The following SSUH2 variants were observed in gnomAD, a reference collection of about 807,000 sequenced individuals.
The protein encoded by SSUH2 is ssu-2 homolog, also known as protein SSUH2 homolog.
In SSUH2, 47 loss-of-function variants were observed where a neutral mutation model predicts 55.3. That is an observed-to-expected ratio of 0.85 (90% CI 0.67 to 1.08). SSUH2 has a LOEUF of 1.08. SSUH2 is among the 50% of genes least tolerant of loss of function. The pLI is 0.00. For synonymous variants in SSUH2, 212 were observed against 191.5 expected (o/e 1.11, Z -0.89); for missense variants, 535 against 490.7 (o/e 1.09, Z -0.85).
At chr3:8,634,618 T>C (rs925117910) in intron 3 of SSUH2, 93 of 1,281,314 alleles carry the variant, frequency 7.3e-5, no homozygotes, top group Admixed American at 1.4e-4. Flanking sequence ...AGGCCAGAGA[T>C]GACTCCCCGG....
chr3:8,676,337 C>G (rs1231387836), intron 3 of SSUH2, among the ~76,000 whole-genome samples: 1 of 151,974 alleles, frequency 6.6e-6, no homozygotes, highest in Non-Finnish European at 1.5e-5. Context: ...TCATATCCTC[C>G]TCTCCCACGT....
chr3:8,655,779 C>T (rs1052009822), intron 7 of SSUH2, among the ~76,000 whole-genome samples: 7 of 152,294 alleles, frequency 4.6e-5, no homozygotes, highest in Non-Finnish European at 8.8e-5. Flanking sequence ...CACAGCCCCT[C>T]GCTCTTCTGT....
At position 8,678,828 on chromosome 3, in the gene SSUH2, C is replaced by G. The variant is rs1483986096; in HGVS notation, c.-901+877G>C. ...CAGGGAGAGGAGGCGGCACTCCCCA[C>G]GAGGCGGGGACTGAGAACCAATCCC... On this transcript the variant is annotated intron_variant, in intron 2 of 18. Transcript: ENST00000317371. Among the ~76,000 whole-genome samples the G allele has an allele frequency of 1.8e-5, 2 of 112,600 alleles. 1 individual carries two copies. Among genetic ancestry groups the G allele is most frequent in the South Asian group, 6.5e-4 (2 of 3,076 alleles). The allele number at this position is 112,600 out of a possible 152,430, so 73.9% of individuals were successfully genotyped here.
rs1208007464 is a variant in SSUH2 at position 8,619,981 on chromosome 3, C to T, written c.1015G>A (p.Val339Ile). The T allele has an allele frequency of 6.2e-7, 1 of 1,614,136 alleles. No homozygotes were observed. Among genetic ancestry groups the T allele is most frequent in the African/African-American group, 1.3e-5 (1 of 75,048 alleles). The change falls in exon 12 of 12, where the codon GTT (valine) becomes ATT (isoleucine). Residue 339 changes from valine (V) to isoleucine (I), a missense_variant. By Grantham distance (29) the Val-to-Ile change is conservative. Coordinates refer to ENST00000544814, the MANE Select transcript of SSUH2 (RefSeq NM_001256748.3). The stretch of plus-strand genomic sequence containing the variant: ...GTCTTTCCTTGGTACCAATAGTGAA[C>T]TTCTGTGAGGGGGATCAGCTCAATG... Reference protein sequence around the residue: ...QTIELIPLTEVHYWYQGKTYV... With the variant: ...QTIELIPLTEIHYWYQGKTYV...
intron 3 of SSUH2, 104 bp downstream of exon 3, chr3:8,635,196 C>A: frequency 1.1e-6 from 1 of 934,852 alleles, no homozygotes; most frequent in Non-Finnish European, 1.6e-6. Flanking sequence ...GGGGTGCAGA[C>A]GGCCCCCTCC....
chr3:8,675,528 G>A (rs1468920015), intron 3 of SSUH2, among the ~76,000 whole-genome samples: 3 of 152,222 alleles, frequency 2.0e-5, no homozygotes, highest in African/African-American at 7.2e-5. Context: ...AGAAAGCTCA[G>A]ATCTGCCGAC....
intron 7 of SSUH2, among the ~76,000 whole-genome samples, chr3:8,656,452 C>T (rs1012870209): frequency 1.3e-5 from 2 of 152,184 alleles, no homozygotes; most frequent in East Asian, 3.9e-4. Context: ...TTGAGCGTTC[C>T]AATTCTTGGA....
chr3:8,679,145 GCGAGGCGGGGAC>G lies in SSUH2; in HGVS notation c.-901+548_-901+559del, dbSNP rs1705738159. On this transcript the variant is annotated intron_variant, in intron 2 of 18. Coordinates refer to the SSUH2 transcript ENST00000317371. ...CAAATTGCGGGGGGGAGGCACCCCC[GCGAGGCGGGGAC>G]TGAGAGGCAGCCGCTGTTCCCCCAC... 7.1e-5 allele frequency among the ~76,000 whole-genome samples: 6 copies of G among 85,040 alleles called. 3 individuals are homozygous for G. Among genetic ancestry groups the G allele is most frequent in the Admixed American group, 2.3e-4 (2 of 8,674 alleles). 55.8% of individuals were successfully genotyped at this position (85,040 alleles called of 152,430 possible).
chr3:8,656,418 C>T (rs368752250), intron 7 of SSUH2, among the ~76,000 whole-genome samples: 22 of 152,194 alleles, frequency 1.4e-4, no homozygotes, highest in African/African-American at 5.3e-4. Context: ...GTGTTCCCAA[C>T]CTGGCACAAA....
upstream of SSUH2, chr3:8,644,810 G>T: frequency 2.7e-6 from 4 of 1,493,214 alleles, no homozygotes; most frequent in Middle Eastern, 1.7e-4. Context: ...TGCTTGGACC[G>T]ATGTGCTCTG....
intron 1 of SSUH2, among the ~76,000 whole-genome samples, chr3:8,636,986 C>A (rs1700028881): frequency 1.3e-5 from 2 of 152,324 alleles, no homozygotes; most frequent in South Asian, 4.1e-4. Context: ...TACAGACAGT[C>A]CCCAACTTAG....
chr3:8,671,690 G>A (rs142828455), intron 4 of SSUH2, among the ~76,000 whole-genome samples: 4,408 of 152,024 alleles, frequency 0.029, 108 homozygotes, highest in Non-Finnish European at 0.046. Context: ...TGTATACCCC[G>A]GTGACTTTAG....
Position 8,630,926 on chromosome 3 carries a change from T to C in SSUH2, c.404A>G (p.His135Arg). The C allele has an allele frequency of 7.0e-7, 1 of 1,425,672 alleles. No homozygotes were observed. The highest frequency in any genetic ancestry group is 9.2e-7 in the Non-Finnish European group (1 of 1,085,516). 88.3% of individuals were successfully genotyped at this position (1,425,672 alleles called of 1,614,324 possible). ...SEWTFQPFTN[H>R]SVDGPQRGAS... ...GCCTCTTTGCGGCCCATCCACAGAGTGGTCTGACACAGAAAGGGGTCATTG... is the reference window on the plus strand; with the variant it reads ...GCCTCTTTGCGGCCCATCCACAGAGCGGTCTGACACAGAAAGGGGTCATTG... The change falls in exon 6 of 12, where the codon CAC becomes CGC. Residue 135 changes from histidine (H) to arginine (R), a missense_variant. By Grantham distance (29) the His-to-Arg change is conservative (BLOSUM62 0). Coordinates refer to ENST00000544814, the MANE Select transcript of SSUH2 (RefSeq NM_001256748.3).
Position 8,619,876 on chromosome 3 carries a change from T to G in SSUH2, c.1120A>C (p.Ile374Leu). 2 of 1,613,688 alleles carry G rather than the reference T, an allele frequency of 1.2e-6. No individual in the cohort carries two copies. Among genetic ancestry groups the G allele is most frequent in the Non-Finnish European group, 1.7e-6 (2 of 1,179,856 alleles). ...YPERYCCGCT[I>L]V ...GGGACAGCCATGCTATGTCACACGATGGTACAGCCACAGCAATACCGCTCA... is the reference window on the plus strand; with the variant it reads ...GGGACAGCCATGCTATGTCACACGAGGGTACAGCCACAGCAATACCGCTCA... The change falls in exon 12 of 12, where the codon ATC (isoleucine) becomes CTC (leucine). Residue 374 changes from isoleucine to leucine, a missense_variant. Ile to Leu is a conservative substitution (Grantham distance 5, BLOSUM62 2). Coordinates refer to ENST00000544814, the MANE Select transcript of SSUH2 (RefSeq NM_001256748.3).
Position 8,631,986 on chromosome 3 carries a change from A to G in SSUH2, c.400+63T>C, listed in dbSNP as rs1009446372. On this transcript the variant is annotated intron_variant, in intron 5 of 11. Coordinates refer to ENST00000544814, the MANE Select transcript of SSUH2 (RefSeq NM_001256748.3). ...ATGAGTGCCTGAGCCAAGTCCTGAT[A>G]TTTTCCACCAGCACCCTGACTTATT... The G allele has an allele frequency of 2.2e-6, 3 of 1,374,590 alleles. No individual in the cohort carries two copies. The South Asian group carries it at 3.5e-5, about 16-fold the overall frequency. 85.1% of individuals were successfully genotyped at this position (1,374,590 alleles called of 1,614,324 possible).
chr3:8,621,688 C>T (rs1054616766), intron 11 of SSUH2, among the ~76,000 whole-genome samples: 4 of 152,104 alleles, frequency 2.6e-5, no homozygotes, highest in Non-Finnish European at 4.4e-5. Context: ...GATAAGACCC[C>T]GGTGACTGAG....
chr3:8,681,100 C>CA (rs1241407740), intron 1 of SSUH2, among the ~76,000 whole-genome samples: 1 of 97,206 alleles, frequency 1.0e-5, no homozygotes, highest in African/African-American at 2.9e-5. Context: ...GAGGCACCCC[C>CA]GCGAGGCGGG....
At chr3:8,651,112 G>A (rs1227788995) in intron 7 of SSUH2, among the ~76,000 whole-genome samples, 1 of 152,152 alleles carries the variant, frequency 6.6e-6, no homozygotes, top group African/African-American at 2.4e-5. Context: ...AGCCAATTTG[G>A]AATTTTAAAA....
At chr3:8,620,596 C>T (rs1054220562) in intron 11 of SSUH2, among the ~76,000 whole-genome samples, 3 of 152,186 alleles carry the variant, frequency 2.0e-5, no homozygotes. Flanking sequence ...TGGCCAAAAC[C>T]GACTTCTCAT....
Sources: gnomAD v4.1 joint callset for allele counts (sites outside exome capture counted in the v4.1 genomes callset) on GRCh38, gnomAD v4.1.1 for gene constraint, MANE v1.5 for transcripts, NCBI Gene and HGNC (gene_info 2026-07-23, HGNC 2026-07-21) for gene names.